THSD7A: variants seen among roughly 807,000 people sequenced by gnomAD.
THSD7A encodes thrombospondin type-1 domain-containing protein 7A.
In THSD7A, 96 loss-of-function variants were observed where a neutral mutation model predicts 231.3. The observed-to-expected ratio is 0.41, with a 90% CI of 0.35 to 0.49. The LOEUF (loss-of-function observed/expected upper bound fraction) is 0.49, where lower values mean the gene tolerates loss of function less well. Ranked by LOEUF, THSD7A falls within the 20% of genes least tolerant of loss-of-function variation. THSD7A has a pLI of 0.05. For missense variants in THSD7A, 2,290 were observed against 2,070.2 expected (o/e 1.11, Z -2.06); for synonymous variants, 940 against 743.3 (o/e 1.26, Z -4.30).
rs1383127233 is a variant in THSD7A, at chr7:11,634,616, C to T, written c.1022+1514G>A. ...GTACACACACACACACACACATACA[C>T]ACACACACATTTAAGGAGTTGTAGG... On this transcript the variant is annotated intron_variant, in intron 2 of 27. Coordinates refer to ENST00000423059, the MANE Select transcript of THSD7A (RefSeq NM_015204.3). The surrounding 1 kb of genome is among the most constrained non-coding windows in gnomAD (Gnocchi z 4.1). Among the ~76,000 whole-genome samples, 1 of 152,056 alleles carries T rather than the reference C, an allele frequency of 6.6e-6. No homozygotes were observed. Among genetic ancestry groups the T allele is most frequent in the Non-Finnish European group, 1.5e-5 (1 of 67,994 alleles).
chr7:11,696,835 G>T (rs867194290), intron 1 of THSD7A, among the ~76,000 whole-genome samples: 9 of 151,388 alleles, frequency 5.9e-5, no homozygotes, highest in Non-Finnish European at 1.3e-4. Flanking sequence ...ACTGAATAGA[G>T]TAAGTAGTAA....
At chr7:11,612,077 A>T (rs1196220696) in intron 2 of THSD7A, among the ~76,000 whole-genome samples, 3 of 152,130 alleles carry the variant, frequency 2.0e-5, no homozygotes, top group South Asian at 2.1e-4. Context: ...CCTGAATTAC[A>T]TAAGGAAAAG....
At chr7:11,534,532 C>A (rs955754909) in intron 6 of THSD7A, among the ~76,000 whole-genome samples, 2 of 152,130 alleles carry the variant, frequency 1.3e-5, no homozygotes, top group Admixed American at 6.6e-5. Flanking sequence ...GACCTTTCAG[C>A]CATAGTCAAA....
intron 6 of THSD7A, among the ~76,000 whole-genome samples, chr7:11,499,973 C>A (rs917803133): frequency 6.6e-5 from 10 of 152,126 alleles, no homozygotes; most frequent in African/African-American, 2.4e-4. Context: ...AAGAGAACTC[C>A]TGCAAGATTC....
chr7:11,723,435 C>T (rs946609552), intron 1 of THSD7A, among the ~76,000 whole-genome samples: 1 of 151,450 alleles, frequency 6.6e-6, no homozygotes, highest in Non-Finnish European at 1.5e-5. Context: ...TGTAACAAAC[C>T]TGCACACTGT....
At chr7:11,662,858 T>C (rs1293354933) in intron 1 of THSD7A, among the ~76,000 whole-genome samples, 1 of 151,400 alleles carries the variant, frequency 6.6e-6, no homozygotes, top group East Asian at 1.9e-4. Flanking sequence ...AAAATATTTA[T>C]GGCATATGAA....
At chr7:11,688,426 T>C (rs1213888442) in intron 1 of THSD7A, among the ~76,000 whole-genome samples, 1 of 151,798 alleles carries the variant, frequency 6.6e-6, no homozygotes, top group East Asian at 1.9e-4. Flanking sequence ...CAATCGCTTA[T>C]AGCCTAATGG....
intron 13 of THSD7A, among the ~76,000 whole-genome samples, chr7:11,433,803 G>A (rs1202636096): frequency 6.6e-6 from 1 of 151,938 alleles, no homozygotes; most frequent in African/African-American, 2.4e-5. Context: ...TAACATGTAT[G>A]ACTTCAGACT....
chr7:11,621,763 T>C (rs1288696530), intron 2 of THSD7A, among the ~76,000 whole-genome samples: 7 of 152,160 alleles, frequency 4.6e-5, no homozygotes, highest in African/African-American at 1.7e-4. Context: ...TCTGCATTCA[T>C]AAATTGTTTT....
Position 11,417,550 on chromosome 7 carries a change from C to G in THSD7A, c.3437G>C (p.Cys1146Ser). The G allele has an allele frequency of 6.2e-7, 1 of 1,613,780 alleles. No homozygotes were observed. Among genetic ancestry groups the G allele is most frequent in the South Asian group, 1.1e-5 (1 of 91,064 alleles). ...GPSEHVEDYL[C>S]DPEEMPLGSR... ...GCCCAGGGGCATCTCTTCTGGGTCA[C>G]AGAGGTAATCCTCTACATGTTCAGA... Residue 1146 changes from cysteine to serine, a missense_variant, in exon 17 of 28, where the codon TGT (cysteine) becomes TCT (serine). Transcript: ENST00000423059.
chr7:11,825,126 T>C (rs543673225), intron 1 of THSD7A, among the ~76,000 whole-genome samples: 1 of 152,282 alleles, frequency 6.6e-6, no homozygotes, highest in South Asian at 2.1e-4. Flanking sequence ...CCAGTAAAAT[T>C]TCTGCAACTT....
chr7:11,480,741 G>A (rs188984309), intron 7 of THSD7A, among the ~76,000 whole-genome samples: 5 of 152,150 alleles, frequency 3.3e-5, no homozygotes, highest in Non-Finnish European at 7.4e-5. Context: ...GTGCACAGTT[G>A]TTACACACAC....
chr7:11,592,397 C>A (rs1418046833), intron 3 of THSD7A, among the ~76,000 whole-genome samples: 1 of 152,160 alleles, frequency 6.6e-6, no homozygotes, highest in African/African-American at 2.4e-5. Flanking sequence ...GTTCACACAT[C>A]TCTATTGAAA....
intron 1 of THSD7A, among the ~76,000 whole-genome samples, chr7:11,750,522 G>A (rs1489813759): frequency 4.0e-5 from 6 of 151,890 alleles, no homozygotes; most frequent in Admixed American, 3.9e-4. Flanking sequence ...CCAAGTGATG[G>A]CAATATTGGA....
chr7:11,706,473 A>T (rs1780769346), intron 1 of THSD7A, among the ~76,000 whole-genome samples: 1 of 150,802 alleles, frequency 6.6e-6, no homozygotes, highest in African/African-American at 2.4e-5. Context: ...GCAGCTACAC[A>T]ATCTACTTTT....
chr7:11,662,021 GC>G (rs1782947020), intron 1 of THSD7A, among the ~76,000 whole-genome samples: 1 of 150,944 alleles, frequency 6.6e-6, no homozygotes, highest in Non-Finnish European at 1.5e-5. Context: ...AGAAATAGTG[GC>G]TAATAAAAAT....
intron 1 of THSD7A, among the ~76,000 whole-genome samples, chr7:11,650,005 T>C (rs1357656582): frequency 3.3e-5 from 5 of 152,048 alleles, no homozygotes; most frequent in African/African-American, 9.7e-5. Flanking sequence ...AGGGAGTAAA[T>C]GTGTACTGCT....
At chr7:11,819,125 T>C (rs1178237911) in intron 1 of THSD7A, among the ~76,000 whole-genome samples, 1 of 151,990 alleles carries the variant, frequency 6.6e-6, no homozygotes, top group Non-Finnish European at 1.5e-5. Context: ...GAACTGCAAA[T>C]TGAAACAAGA....
chr7:11,414,368 T>C (rs1443200672), intron 17 of THSD7A, among the ~76,000 whole-genome samples: 2 of 152,230 alleles, frequency 1.3e-5, no homozygotes, highest in Admixed American at 6.5e-5. Flanking sequence ...TAAAGCTCAA[T>C]TGCACATGCA....
Sources: allele counts gnomAD v4.1 joint callset (sites outside exome capture counted in the v4.1 genomes callset), GRCh38; gene constraint gnomAD v4.1.1; non-coding constraint Gnocchi (gnomAD v3.1); transcripts MANE v1.5; gene names NCBI Gene and HGNC (gene_info 2026-07-23, HGNC 2026-07-21).